The following PIK3CA variants were observed in gnomAD, a reference collection of about 807,000 sequenced individuals.
PIK3CA encodes the protein phosphatidylinositol-4,5-bisphosphate 3-kinase catalytic subunit alpha, also known as phosphatidylinositol 4,5-bisphosphate 3-kinase catalytic subunit alpha isoform.
A neutral mutation model predicts 138.2 loss-of-function variants in PIK3CA; 27 were observed. That is an observed-to-expected ratio of 0.20 (90% CI 0.14 to 0.27). PIK3CA has a LOEUF of 0.27. PIK3CA is among the 10% of genes least tolerant of loss of function. PIK3CA has a pLI of 1.00. For synonymous variants in PIK3CA, 358 were observed against 413.2 expected (o/e 0.87, Z 1.62); for missense variants, 544 against 1,277.4 (o/e 0.43, Z 8.75).
intron 1 of PIK3CA, among the ~76,000 whole-genome samples, chr3:179,179,331 A>T (rs1723782015): frequency 6.6e-6 from 1 of 152,220 alleles, no homozygotes; most frequent in Non-Finnish European, 1.5e-5. Flanking sequence ...TAAAACATTG[A>T]TGAATCCCAA....
chr3:179,149,701 C>A (rs1722960168), intron 1 of PIK3CA: 1 of 152,124 alleles, frequency 6.6e-6, no homozygotes, highest in South Asian at 2.1e-4. Flanking sequence ...CGGGGAGAAC[C>A]CCTTAGAATA....
At position 179,194,317 on chromosome 3, in the gene PIK3CA, A is replaced by T. The variant is rs557757978; in HGVS notation, c.-76-4433A>T. ...CGGCTTGCTGCAGCCTTGACCTCCC[A>T]GGCTAAAATGATCCTCCCACCTCAG... On this transcript the variant is annotated intron_variant, in intron 1 of 20. Transcript: ENST00000263967. Among the ~76,000 whole-genome samples, 3 of 152,214 alleles carry T rather than the reference A, an allele frequency of 2.0e-5. No homozygotes were observed. In the East Asian group the frequency reaches 5.8e-4, roughly 29 times the overall value.
intron 1 of PIK3CA, among the ~76,000 whole-genome samples, chr3:179,154,225 A>G (rs1275609617): frequency 6.6e-6 from 1 of 152,158 alleles, no homozygotes; most frequent in Non-Finnish European, 1.5e-5. Context: ...CCTCCTGGCC[A>G]GCAGACCCAG....
At position 179,235,343 on chromosome 3, in the gene PIK3CA, T is replaced by G. The variant is rs2108431369; in HGVS notation, c.*979T>G. On this transcript the variant is annotated 3_prime_UTR_variant, in exon 21 of 21. Transcript: ENST00000263967. ...TATAGAAACTATCATTAATATATAT[T>G]CTTTATTTACATGATCTGTCCCATA... is the stretch of plus-strand genomic sequence containing the variant. 1 of 179,408 alleles carries G rather than the reference T, an allele frequency of 5.6e-6. No homozygotes were observed. Among genetic ancestry groups the G allele is most frequent in the African/African-American group, 2.4e-5 (1 of 42,436 alleles). 11.1% of individuals were successfully genotyped at this position (179,408 alleles called of 1,614,324 possible).
intron 1 of PIK3CA, among the ~76,000 whole-genome samples, chr3:179,193,894 G>T (rs542801354): frequency 6.6e-6 from 1 of 151,972 alleles, no homozygotes. Flanking sequence ...TTAATTCTGT[G>T]ACCTCAAACC....
intron 9 of PIK3CA, among the ~76,000 whole-genome samples, chr3:179,212,570 C>T (rs907531420): frequency 6.6e-6 from 1 of 151,868 alleles, no homozygotes. Flanking sequence ...CGCCGCTGCA[C>T]TCCAGCCTGG....
chr3:179,185,573 G>C (rs965765690), intron 1 of PIK3CA, among the ~76,000 whole-genome samples: 1 of 152,132 alleles, frequency 6.6e-6, no homozygotes, highest in South Asian at 2.1e-4. Flanking sequence ...TAGATTGAGG[G>C]CTCAGTCACA....
intron 1 of PIK3CA, among the ~76,000 whole-genome samples, chr3:179,148,841 C>T (rs1722927869): frequency 6.6e-6 from 1 of 152,160 alleles, no homozygotes; most frequent in Admixed American, 6.5e-5. Flanking sequence ...CTCTGGCTGC[C>T]GCCTCGCTCT....
chr3:179,203,368 A>G (rs1345157388), intron 4 of PIK3CA, among the ~76,000 whole-genome samples, 176 bp from the exon 5 acceptor site: 2 of 152,224 alleles, frequency 1.3e-5, no homozygotes, highest in South Asian at 2.1e-4. Flanking sequence ...TTGTGCTTCA[A>G]CGTAAATCCT....
At position 179,220,133 on chromosome 3, in the gene PIK3CA, T is replaced by C. The variant is rs1316506250; in HGVS notation, c.2015+81T>C. ...AATAGATTTATAAATATGTATTACTTATATACTTTTGTTTATGTTTGGCTG... is the reference window on the plus strand; with the variant it reads ...AATAGATTTATAAATATGTATTACTCATATACTTTTGTTTATGTTTGGCTG... On this transcript the variant is annotated intron_variant, in intron 13 of 20. Transcript: ENST00000263967. This position sits in a 1 kb window ranked among gnomAD's most constrained non-coding sequence, Gnocchi z 4.1. 505 of 1,047,194 alleles carry C rather than the reference T, an allele frequency of 4.8e-4. No individual in the cohort carries two copies. The highest frequency in any genetic ancestry group is 9.2e-5 in the Non-Finnish European group (69 of 753,418). 64.9% of individuals were successfully genotyped at this position (1,047,194 alleles called of 1,614,324 possible).
intron 1 of PIK3CA, among the ~76,000 whole-genome samples, chr3:179,171,412 C>T (rs1329324685): frequency 1.3e-5 from 2 of 151,702 alleles, no homozygotes; most frequent in Non-Finnish European, 2.9e-5. Flanking sequence ...GTAAAGTGTA[C>T]CAAAGTAAGT....
intron 17 of PIK3CA, 109 bp from the exon 18 acceptor site, chr3:179,229,163 G>A (rs1576947560): frequency 1.3e-6 from 1 of 773,410 alleles, no homozygotes. Context: ...AGGCAGTAAA[G>A]GTCATGCATG....
chr3:179,187,398 C>T (rs1724010661), intron 1 of PIK3CA, among the ~76,000 whole-genome samples: 1 of 150,758 alleles, frequency 6.6e-6, no homozygotes. Context: ...ATTAGCTGGG[C>T]GTGGTGGCGG....
rs373901635 is a variant in PIK3CA, at chr3:179,201,609, A to ATTTTT, written c.813+81_813+85dup. On this transcript the variant is annotated intron_variant, in intron 4 of 20. Coordinates refer to ENST00000263967, the MANE Select transcript of PIK3CA (RefSeq NM_006218.4). ...AATCACATTGAGGATGAGTATCTGT[A>ATTTTT]TTTTTTTTTTTTTTTTGAGACGGAA... 0.045 allele frequency: 33,820 copies of ATTTTT among 755,346 alleles called. 734 individuals are homozygous for ATTTTT. Among genetic ancestry groups the ATTTTT allele is most frequent in the African/African-American group, 0.13 (5,928 of 46,962 alleles). 46.8% of individuals were successfully genotyped at this position (755,346 alleles called of 1,614,324 possible). A position where few individuals can be genotyped will look rare whatever the true frequency, so the allele number is the denominator to read the frequency against.
chr3:179,201,416 GAAGT>G lies in PIK3CA; in HGVS notation c.691_694del (p.Ser231CysfsTer8). On this transcript the variant is annotated frameshift_variant, in exon 4 of 21. Transcript: ENST00000263967. LOFTEE classifies it high-confidence loss of function. ...GCTGAAGCAATCAGGAAAAAAACTC[GAAGT>G]ATGTTGCTATCCTCTGAACAACTAA... 6.2e-7 allele frequency: 1 copy of G among 1,613,788 alleles called. No homozygotes were observed. The highest frequency in any genetic ancestry group is 8.5e-7 in the Non-Finnish European group (1 of 1,179,912).
At chr3:179,203,215 C>T (rs1166164087) in intron 4 of PIK3CA, among the ~76,000 whole-genome samples, 3 of 152,252 alleles carry the variant, frequency 2.0e-5, no homozygotes, top group African/African-American at 7.2e-5. Context: ...GCTGGGATTA[C>T]AGGCGTGAGC....
chr3:179,209,624 A>G lies in PIK3CA; in HGVS notation c.1175A>G (p.Tyr392Cys), dbSNP rs751673551. 1.7e-5 allele frequency: 27 copies of G among 1,610,912 alleles called. No individual in the cohort carries two copies. Among genetic ancestry groups the G allele is most frequent in the South Asian group, 2.2e-5 (2 of 90,648 alleles). ...RWNEWLNYDI[Y>C]IPDLPRAARL... Reference sequence around the variant, plus strand: ...AATGAATGGCTGAATTATGATATATACATTCCTGATCTTCCTCGTGCTGCT... The same window carrying G: ...AATGAATGGCTGAATTATGATATATGCATTCCTGATCTTCCTCGTGCTGCT... The change falls in exon 7 of 21, where the codon TAC becomes TGC. Residue 392 changes from tyrosine to cysteine, a missense_variant. This residue lies in a region of PIK3CA where 234 missense variants were observed against 401.3 expected (regional missense o/e 0.58). Transcript: ENST00000263967.
At chr3:179,155,437 TA>T (rs1233649419) in intron 1 of PIK3CA, among the ~76,000 whole-genome samples, 2 of 152,218 alleles carry the variant, frequency 1.3e-5, no homozygotes, top group African/African-American at 4.8e-5. Context: ...TGGCCCTTTG[TA>T]TTCGTGGGTT....
chr3:179,157,772 A>G (rs1723176255), intron 1 of PIK3CA, among the ~76,000 whole-genome samples: 1 of 152,102 alleles, frequency 6.6e-6, no homozygotes, highest in East Asian at 1.9e-4. Flanking sequence ...TTTCCTAAAT[A>G]TATCTCATAA....
Sources: allele counts gnomAD v4.1 joint callset (sites outside exome capture counted in the v4.1 genomes callset), GRCh38; gene constraint gnomAD v4.1.1; regional missense constraint gnomAD v4.1.1; non-coding constraint Gnocchi (gnomAD v3.1); transcripts MANE v1.5; gene names NCBI Gene and HGNC (gene_info 2026-07-23, HGNC 2026-07-21).